Variants in TNNT3 observed in about 807,000 individuals in gnomAD.
TNNT3 encodes troponin T3, fast skeletal type.
A neutral mutation model predicts 54.2 loss-of-function variants in TNNT3; 36 were observed. That is an observed-to-expected ratio of 0.66 (90% CI 0.51 to 0.88). The LOEUF is 0.88. Ranked by LOEUF, TNNT3 falls within the 40% of genes least tolerant of loss-of-function variation. The pLI is 0.00. For synonymous variants in TNNT3, 120 were observed against 109.7 expected, an observed-to-expected ratio of 1.09 and a Z score of -0.59; for missense variants, 291 against 331.6, an observed-to-expected ratio of 0.88 and a Z score of 0.95.
In TNNT3 at chr11:1,922,839, C is replaced by A. The variant is rs1264080653; in HGVS notation, c.-18-18C>A. 1 of 1,605,842 alleles carries A rather than the reference C, an allele frequency of 6.2e-7. No individual in the cohort carries two copies. Among genetic ancestry groups the A allele is most frequent in the East Asian group, 2.2e-5 (1 of 44,870 alleles). ...TTCCATCCTCTCTCTCTCTCTCTCT[C>A]TGAATCTCTCTCTGCAGAAACCACC... On this transcript the variant is annotated intron_variant, in intron 1 of 15. Transcript: ENST00000278317.
chr11:1,923,465 G>A (rs1425019337), intron 3 of TNNT3, 90 bp from the exon 4 acceptor site: 5 of 1,440,214 alleles, frequency 3.5e-6, no homozygotes, highest in East Asian at 2.3e-5. Context: ...GCCTGTCCAG[G>A]GCCGGGACAC....
rs749218287 is a variant in TNNT3, at chr11:1,926,699, A to C, written c.72A>C (p.Glu24Asp). 6 of 1,613,406 alleles carry C rather than the reference A, an allele frequency of 3.7e-6. No individual in the cohort carries two copies. The highest frequency in any genetic ancestry group is 5.1e-6 in the Non-Finnish European group (6 of 1,180,018). The change falls in exon 6 of 16, where the codon GAA becomes GAC. Residue 24 changes from glutamate to aspartate, a missense_variant. Glu to Asp is a conservative substitution (Grantham distance 45). Transcript: ENST00000278317. The stretch of plus-strand genomic sequence containing the variant: ...ACCATGACGCTGCTTCTGCAGAGGA[A>C]GTTCAAGAAGGTACGCCGGCGCTCC... ...EEEEEAQEEE[E>D]VQEDTAEEDA...
chr11:1,929,073 C>G lies in TNNT3; in HGVS notation c.83-47C>G, dbSNP rs371251968. The G allele has an allele frequency of 5.6e-6, 9 of 1,611,866 alleles. No homozygotes were observed. In the Admixed American group the frequency reaches 1.5e-4, roughly 27 times the overall value. On this transcript the variant is annotated intron_variant, in intron 6 of 15. Coordinates refer to ENST00000278317, the MANE Select transcript of TNNT3 (RefSeq NM_006757.4). ...TGCCCACTGCTCCCCCGCAGCCGCA[C>G]TGGCTTTTCTCTTGCATGTGTGCTT...
chr11:1,934,730 C>A (rs1854459067), intron 13 of TNNT3, 75 bp downstream of exon 13: 2 of 1,598,198 alleles, frequency 1.3e-6, no homozygotes, highest in Admixed American at 3.3e-5. Flanking sequence ...CCTCAGGCTG[C>A]CAAGGACCGT....
chr11:1,923,007 A>G (rs1397689015), intron 2 of TNNT3, 41 bp from the exon 3 acceptor site: 3 of 1,611,266 alleles, frequency 1.9e-6, no homozygotes, highest in Admixed American at 1.7e-5. Flanking sequence ...CAGCCTCACT[A>G]CCTCTCTCTC....
chr11:1,934,367 G>A lies in TNNT3; in HGVS notation c.402G>A (p.Lys134=). Residue 134 remains lysine (K), a synonymous_variant, in exon 12 of 16, where the codon AAG becomes AAA. Transcript: ENST00000278317. ...EKARREEEDA[K]RRAEDDLKKK... is the part of the protein sequence containing the mutation. ...CCAGAAGGGAGGAGGAGGATGCCAA[G>A]AGGAGGGCAGAGGACGACCTGAAGA... The A allele has an allele frequency of 6.2e-7, 1 of 1,613,946 alleles. No individual in the cohort carries two copies.
intron 5 of TNNT3, chr11:1,926,403 A>G (rs759994603): frequency 1.1e-5 from 18 of 1,602,684 alleles, no homozygotes; most frequent in Non-Finnish European, 1.5e-5. Flanking sequence ...TTAACCTCGG[A>G]CGCTTCTCCA....
intron 1 of TNNT3, among the ~76,000 whole-genome samples, chr11:1,921,985 C>T (rs984417457): frequency 4.6e-5 from 7 of 152,212 alleles, no homozygotes; most frequent in Non-Finnish European, 8.8e-5. Flanking sequence ...GGAGCTTCCC[C>T]TAGACAGGGA....
At chr11:1,923,108 G>C (rs2133241919) in intron 3 of TNNT3, 47 bp downstream of exon 3, 1 of 1,612,716 alleles carries the variant, frequency 6.2e-7, no homozygotes, top group Non-Finnish European at 8.5e-7. Context: ...CTAGAAGGAA[G>C]GCTCACATGT....
At chr11:1,930,145 A>G (rs1852946655) in intron 8 of TNNT3, among the ~76,000 whole-genome samples, 1 of 152,092 alleles carries the variant, frequency 6.6e-6, no homozygotes, top group Non-Finnish European at 1.5e-5. Flanking sequence ...CAGTGCAGAC[A>G]AGGAGGGCTT....
chr11:1,922,888 A>C lies in TNNT3; in HGVS notation c.14A>C (p.Glu5Ala), dbSNP rs1159731594. Reference protein sequence around the residue: MSDEEVEQVEEQYEE... With the variant: MSDEAVEQVEEQYEE... ...CCCACCTTCACCATGTCTGACGAGG[A>C]AGTGTGAGTACCCAGCTGGTGGCTG... The change falls in exon 2 of 16, where the codon GAA becomes GCA. Residue 5 changes from glutamate (E) to alanine (A), a missense_variant. Glu to Ala is a moderately radical substitution (Grantham distance 107). Coordinates refer to ENST00000278317, the MANE Select transcript of TNNT3 (RefSeq NM_006757.4). 6.2e-7 allele frequency: 1 copy of C among 1,613,558 alleles called. No homozygotes were observed. The highest frequency in any genetic ancestry group is 8.5e-7 in the Non-Finnish European group (1 of 1,179,980).
chr11:1,925,240 C>T (rs1307515929), intron 5 of TNNT3, 124 bp downstream of exon 5: 9 of 1,607,760 alleles, frequency 5.6e-6, no homozygotes, highest in Middle Eastern at 1.7e-4. Flanking sequence ...CTCCTCTCTC[C>T]CCCGGCTCTC....
At chr11:1,933,070 G>A (rs1019022221) in intron 9 of TNNT3, among the ~76,000 whole-genome samples, 2 of 136,992 alleles carry the variant, frequency 1.5e-5, no homozygotes, top group South Asian at 2.4e-4. Flanking sequence ...TCCATCCATC[G>A]ATCCATCTAT....
intron 14 of TNNT3, among the ~76,000 whole-genome samples, chr11:1,935,740 C>T (rs1246137128): frequency 6.6e-6 from 1 of 152,094 alleles, no homozygotes; most frequent in Non-Finnish European, 1.5e-5. Flanking sequence ...GCCAGAGGCC[C>T]CAGGGGAGGG....
intron 14 of TNNT3, chr11:1,935,710 G>A (rs577895443): frequency 1.0e-5 from 2 of 192,132 alleles, no homozygotes; most frequent in Non-Finnish European, 2.2e-5. Context: ...TCAGGGCCAC[G>A]ATGTCCACCC....
chr11:1,938,432 T>G lies in TNNT3; in HGVS notation c.723-6T>G. On this transcript the variant is annotated splice_polypyrimidine_tract_variant and splice_region_variant and intron_variant, in intron 15 of 15. Transcript: ENST00000278317. The stretch of plus-strand genomic sequence containing the variant: ...CCCTGAAGGATCACTTGCTTCCCAT[T>G]TGCAGCAGCAAGAAGGCTGGGACCC... The G allele has an allele frequency of 6.2e-7, 1 of 1,613,106 alleles. No individual in the cohort carries two copies. Among genetic ancestry groups the G allele is most frequent in the South Asian group, 1.1e-5 (1 of 91,074 alleles).
chr11:1,936,045 G>A (rs1177430683), intron 14 of TNNT3, among the ~76,000 whole-genome samples: 1 of 152,212 alleles, frequency 6.6e-6, no homozygotes, highest in African/African-American at 2.4e-5. Context: ...TTCCCATGCT[G>A]TGTTCCCAGA....
intron 15 of TNNT3, 23 bp from the exon 16 acceptor site, chr11:1,938,415 G>T (rs1855778618): frequency 6.2e-7 from 1 of 1,612,930 alleles, no homozygotes; most frequent in South Asian, 1.1e-5. Context: ...GACCCTGAAG[G>T]ATCACTTGCT....
intron 8 of TNNT3, among the ~76,000 whole-genome samples, chr11:1,931,526 C>T (rs907301254): frequency 6.6e-6 from 1 of 152,216 alleles, no homozygotes; most frequent in Non-Finnish European, 1.5e-5. Context: ...AACAGTCACT[C>T]GGGGCCAGCG....
Sources: allele counts gnomAD v4.1 joint callset (sites outside exome capture counted in the v4.1 genomes callset), GRCh38; gene constraint gnomAD v4.1.1; transcripts MANE v1.5; gene names NCBI Gene and HGNC (gene_info 2026-07-23, HGNC 2026-07-21).